IGSF10: variants seen among roughly 807,000 people sequenced by gnomAD.
The protein encoded by IGSF10 is calvaria mechanical force protein 608.
In IGSF10, 126 loss-of-function variants were observed where a neutral mutation model predicts 128.2. That is an observed-to-expected ratio of 0.98 (90% CI 0.85 to 1.14). The LOEUF is 1.14. IGSF10 is among the 50% of genes most tolerant of loss of function. The probability of loss-of-function intolerance (pLI) is 0.00; values close to 1 mark genes in which losing one functional copy is unlikely to be tolerated. For synonymous variants in IGSF10, 1,185 were observed against 1,146.2 expected, an observed-to-expected ratio of 1.03 and a Z score of -0.68; for missense variants, 3,295 against 3,149.8, an observed-to-expected ratio of 1.05 and a Z score of -1.10.
the IGSF10 span, among the ~76,000 whole-genome samples, chr3:151,502,962 G>C: frequency 6.6e-6 from 1 of 152,056 alleles, no homozygotes; most frequent in African/African-American, 2.4e-5. Context: ...TTCTCTACTT[G>C]AAGTAGAAGG....
At position 151,448,942 on chromosome 3, in the gene IGSF10, C is replaced by A. The variant is rs202170376; in HGVS notation, c.1039G>T (p.Glu347Ter). ...PSRTSPIAFTEENDYIVLNTS... is the reference protein window; with the variant it reads ...PSRTSPIAFT ...TTTAGCACGATGTAGTCATTTTCTT[C>A]AGTGAATGCAATGGGTGATGTCCTT... Residue 347 changes from glutamate to a stop codon, truncating the protein, a stop_gained, in exon 6 of 8, where the codon GAA (glutamate) becomes TAA (stop). Coordinates refer to ENST00000282466, the MANE Select transcript of IGSF10 (RefSeq NM_178822.5). LOFTEE classifies it high-confidence loss of function. 1 of 1,614,172 alleles carries A rather than the reference C, an allele frequency of 6.2e-7. No homozygotes were observed. Among genetic ancestry groups the A allele is most frequent in the East Asian group, 2.2e-5 (1 of 44,886 alleles).
chr3:151,610,910 G>T, the IGSF10 span, among the ~76,000 whole-genome samples: 3 of 152,052 alleles, frequency 2.0e-5, no homozygotes, highest in Non-Finnish European at 4.4e-5. Context: ...CCTCATAAAG[G>T]TCCCACCACT....
the IGSF10 span, among the ~76,000 whole-genome samples, chr3:151,505,384 T>G: frequency 1.3e-5 from 2 of 152,176 alleles, no homozygotes; most frequent in Non-Finnish European, 2.9e-5. Context: ...AACCACCCCA[T>G]GATTTAGTTA....
the IGSF10 span, among the ~76,000 whole-genome samples, chr3:151,496,988 T>C: frequency 4.3e-4 from 66 of 152,336 alleles, no homozygotes; most frequent in Non-Finnish European, 6.3e-4. Context: ...TTTTGAGAAG[T>C]GTCTGTTCAT....
the IGSF10 span, among the ~76,000 whole-genome samples, chr3:151,597,491 T>C: frequency 1.3e-5 from 2 of 152,168 alleles, no homozygotes; most frequent in Non-Finnish European, 2.9e-5. Flanking sequence ...GCAAAAGCCA[T>C]AGAATTACCT....
At chr3:151,479,376 A>C in the IGSF10 span, among the ~76,000 whole-genome samples, 48 of 145,174 alleles carry the variant, frequency 3.3e-4, no homozygotes, top group Non-Finnish European at 6.6e-4. Flanking sequence ...AATTAAATTT[A>C]TTTTTCACTC....
intron 7 of IGSF10, among the ~76,000 whole-genome samples, chr3:151,440,109 C>T (rs370300240): frequency 3.6e-4 from 55 of 152,244 alleles, no homozygotes; most frequent in African/African-American, 1.2e-3. Context: ...CGGCTCACTG[C>T]AGTCTCAACC....
chr3:151,579,676 C>T, the IGSF10 span, among the ~76,000 whole-genome samples: 2 of 151,110 alleles, frequency 1.3e-5, no homozygotes, highest in Middle Eastern at 6.8e-3. Flanking sequence ...CAACTGGAAT[C>T]CCAGAAGGAG....
the IGSF10 span, among the ~76,000 whole-genome samples, chr3:151,517,202 T>C: frequency 1.3e-5 from 2 of 152,066 alleles, no homozygotes; most frequent in African/African-American, 4.8e-5. Context: ...CTAGATTACT[T>C]ACTGACTAAA....
chr3:151,446,238 G>C lies in IGSF10; in HGVS notation c.3743C>G (p.Ser1248Cys), dbSNP rs754404563. 1 of 1,613,822 alleles carries C rather than the reference G, an allele frequency of 6.2e-7. No individual in the cohort carries two copies. Among genetic ancestry groups the C allele is most frequent in the Non-Finnish European group, 8.5e-7 (1 of 1,179,716 alleles). ...TGAAAGTGTGGTGAAATGGAAAGGG[G>C]AGACTTTGTCTCTGGGTAAAGCAGG... Reference protein sequence around the residue: ...TSPALPRDKVSPFHFTTLSTS... With the variant: ...TSPALPRDKVCPFHFTTLSTS... Residue 1248 changes from serine (S) to cysteine (C), a missense_variant, in exon 6 of 8, where the codon TCC becomes TGC. Ser to Cys is a moderately radical substitution (Grantham distance 112). Coordinates refer to ENST00000282466, the MANE Select transcript of IGSF10 (RefSeq NM_178822.5).
chr3:151,528,800 GT>G, the IGSF10 span, among the ~76,000 whole-genome samples: 2,154 of 146,136 alleles, frequency 0.015, 52 homozygotes, highest in African/African-American at 0.047. Flanking sequence ...AGCTGCAGGA[GT>G]TTTTTTTTTT....
the IGSF10 span, among the ~76,000 whole-genome samples, chr3:151,511,214 G>A: frequency 1.3e-5 from 2 of 152,204 alleles, no homozygotes; most frequent in Non-Finnish European, 2.9e-5. Context: ...CAGCCAGAGA[G>A]AAAGGTCGGG....
At chr3:151,566,251 C>T in the IGSF10 span, among the ~76,000 whole-genome samples, 2 of 151,986 alleles carry the variant, frequency 1.3e-5, no homozygotes, top group Non-Finnish European at 2.9e-5. Flanking sequence ...TGAAACCCTA[C>T]CCCACAAATG....
chr3:151,519,670 G>A, the IGSF10 span, among the ~76,000 whole-genome samples: 1 of 151,864 alleles, frequency 6.6e-6, no homozygotes, highest in East Asian at 1.9e-4. Flanking sequence ...GAGGTATATA[G>A]TGTGAAAGGC....
chr3:151,461,172 G>C (rs1722044661), upstream of IGSF10: 1 of 985,380 alleles, frequency 1.0e-6, no homozygotes. Flanking sequence ...TTATGTTTAC[G>C]AGCGTGTGGG....
chr3:151,474,988 G>A, the IGSF10 span, among the ~76,000 whole-genome samples: 3 of 152,146 alleles, frequency 2.0e-5, no homozygotes, highest in Non-Finnish European at 1.5e-5. Context: ...GATTTAGGTG[G>A]GGACACAGCC....
chr3:151,557,162 T>G, the IGSF10 span, among the ~76,000 whole-genome samples: 1 of 152,112 alleles, frequency 6.6e-6, no homozygotes, highest in Admixed American at 6.6e-5. Flanking sequence ...TACATATTTA[T>G]TATGTGCACT....
At chr3:151,576,117 C>T in the IGSF10 span, among the ~76,000 whole-genome samples, 2 of 151,712 alleles carry the variant, frequency 1.3e-5, no homozygotes, top group South Asian at 4.2e-4. Context: ...TGTCTGTTAT[C>T]TTTTTCTTAA....
the IGSF10 span, among the ~76,000 whole-genome samples, chr3:151,490,490 C>G: frequency 7.3e-6 from 1 of 136,634 alleles, no homozygotes; most frequent in African/African-American, 2.7e-5. Context: ...TATGAGAATA[C>G]TGAATTTGAA....
Sources: allele counts gnomAD v4.1 joint callset (sites outside exome capture counted in the v4.1 genomes callset), GRCh38; gene constraint gnomAD v4.1.1; transcripts MANE v1.5; gene names NCBI Gene and HGNC (gene_info 2026-07-23, HGNC 2026-07-21).